CSMD1: variants seen among roughly 807,000 people sequenced by gnomAD.
CSMD1 encodes CUB and Sushi multiple domains 1.
CSMD1 carries 213 observed loss-of-function variants against 417.5 expected under a neutral mutation model. The ratio of observed to expected loss-of-function variants is 0.51; its 90% CI spans 0.46 to 0.57. The LOEUF is 0.57. Ranked by LOEUF, CSMD1 falls within the 20% of genes least tolerant of loss-of-function variation. The probability of loss-of-function intolerance (pLI) is 0.00; values close to 1 mark genes in which losing one functional copy is unlikely to be tolerated. For synonymous variants in CSMD1, 2,862 were observed against 1,736.8 expected, an observed-to-expected ratio of 1.65 and a Z score of -16.11; for missense variants, 6,923 against 4,529.7, an observed-to-expected ratio of 1.53 and a Z score of -15.17.
intron 3 of CSMD1, among the ~76,000 whole-genome samples, chr8:4,339,406 C>G (rs1800351054): frequency 6.6e-6 from 1 of 152,036 alleles, no homozygotes; most frequent in Non-Finnish European, 1.5e-5. Flanking sequence ...TAATCTCAGT[C>G]CAGGCTCTCT....
rs150688681 is a variant in CSMD1 at position 3,961,437 on chromosome 8, G to C, written c.818+36466C>G. 5.8e-4 allele frequency among the ~76,000 whole-genome samples: 88 copies of C among 152,242 alleles called. 2 individuals are homozygous for C. In the East Asian group the frequency reaches 0.01, roughly 17 times the overall value. On this transcript the variant is annotated intron_variant, in intron 5 of 69. Coordinates refer to ENST00000635120, the MANE Select transcript of CSMD1 (RefSeq NM_033225.6). ...CCAAGTGCCAAATATTCCCACAGGT[G>C]ATCTTTGACACAGATTTAAATTAAA...
chr8:4,309,916 A>G (rs1433838228), intron 3 of CSMD1, among the ~76,000 whole-genome samples: 1 of 152,186 alleles, frequency 6.6e-6, no homozygotes, highest in Non-Finnish European at 1.5e-5. Context: ...ATGTGATTTA[A>G]GAAGCTCATT....
intron 26 of CSMD1, among the ~76,000 whole-genome samples, chr8:3,251,858 C>G (rs531287093): frequency 6.6e-6 from 1 of 152,250 alleles, no homozygotes; most frequent in South Asian, 2.1e-4. Flanking sequence ...TGATTTGGCT[C>G]TTTCTTTGTC....
intron 2 of CSMD1, among the ~76,000 whole-genome samples, chr8:4,591,263 G>C (rs7832831): frequency 2.6e-5 from 4 of 152,254 alleles, no homozygotes; most frequent in Non-Finnish European, 5.9e-5. Context: ...CCAGGAGGAA[G>C]AGCCAAATGT....
At chr8:4,211,246 G>C (rs540335090) in intron 3 of CSMD1, among the ~76,000 whole-genome samples, 13 of 151,926 alleles carry the variant, frequency 8.6e-5, no homozygotes, top group African/African-American at 3.1e-4. Context: ...CTCAGATAGG[G>C]GGAAAAGAAA....
At chr8:3,420,712 T>C (rs1400229446) in intron 12 of CSMD1, among the ~76,000 whole-genome samples, 2 of 152,204 alleles carry the variant, frequency 1.3e-5, no homozygotes, top group Non-Finnish European at 2.9e-5. Context: ...TTAATACCTT[T>C]GTCACGCTTG....
chr8:4,249,242 C>G (rs547100263), intron 3 of CSMD1, among the ~76,000 whole-genome samples: 1 of 152,126 alleles, frequency 6.6e-6, no homozygotes, highest in Non-Finnish European at 1.5e-5. Flanking sequence ...TAGAAAAGGG[C>G]AAACATTTCT....
At chr8:4,188,008 C>T (rs942436586) in intron 3 of CSMD1, among the ~76,000 whole-genome samples, 2 of 151,934 alleles carry the variant, frequency 1.3e-5, no homozygotes, top group Non-Finnish European at 2.9e-5. Context: ...AAGCCAATAC[C>T]TTTTTTTAAA....
chr8:4,832,020 C>T (rs1309937670), intron 1 of CSMD1, among the ~76,000 whole-genome samples: 2 of 152,222 alleles, frequency 1.3e-5, no homozygotes, highest in Non-Finnish European at 2.9e-5. Context: ...AAAGGAGCTT[C>T]CTCCAAGCAA....
chr8:4,623,336 A>T (rs916857812), intron 2 of CSMD1, among the ~76,000 whole-genome samples: 1 of 152,180 alleles, frequency 6.6e-6, no homozygotes, highest in Non-Finnish European at 1.5e-5. Context: ...GGCTGAGTAC[A>T]CTAAATATAG....
rs1023828661 is a variant in CSMD1 at position 4,045,591 on chromosome 8, C to G, written c.416-13492G>C. On this transcript the variant is annotated intron_variant, in intron 3 of 69. Coordinates refer to ENST00000635120, the MANE Select transcript of CSMD1 (RefSeq NM_033225.6). Reference sequence around the variant, plus strand: ...GTGCAATGCTTTAGAATGAAAGAAACTCAAGAATGTTCCTGCTATTAGCTG... The same window carrying G: ...GTGCAATGCTTTAGAATGAAAGAAAGTCAAGAATGTTCCTGCTATTAGCTG... 1.3e-5 allele frequency among the ~76,000 whole-genome samples: 2 copies of G among 152,142 alleles called. 1 individual carries two copies. Among genetic ancestry groups the G allele is most frequent in the Non-Finnish European group, 2.9e-5 (2 of 68,030 alleles).
chr8:3,704,130 T>C (rs535977391), intron 7 of CSMD1, among the ~76,000 whole-genome samples: 25 of 152,080 alleles, frequency 1.6e-4, no homozygotes, highest in Non-Finnish European at 2.9e-4. Context: ...CAGTCCTCCA[T>C]CACTGTGGCA....
chr8:3,421,568 C>T (rs759001062), intron 12 of CSMD1, among the ~76,000 whole-genome samples: 6 of 152,092 alleles, frequency 3.9e-5, no homozygotes, highest in Non-Finnish European at 8.8e-5. Context: ...TAATATTTAG[C>T]CTGTTTGATT....
chr8:3,120,333 G>C (rs1817124905), intron 41 of CSMD1, among the ~76,000 whole-genome samples: 1 of 152,062 alleles, frequency 6.6e-6, no homozygotes, highest in Non-Finnish European at 1.5e-5. Flanking sequence ...TCAACATAAA[G>C]ATAATGTGAG....
intron 23 of CSMD1, among the ~76,000 whole-genome samples, chr8:3,320,666 G>C (rs536618092): frequency 1.3e-5 from 2 of 152,180 alleles, no homozygotes; most frequent in African/African-American, 2.4e-5. Flanking sequence ...ACGCAAGAGC[G>C]CAGTTCCTCC....
At chr8:4,322,503 G>A (rs927224659) in intron 3 of CSMD1, among the ~76,000 whole-genome samples, 1 of 152,214 alleles carries the variant, frequency 6.6e-6, no homozygotes, top group Admixed American at 6.5e-5. Context: ...TGCAGTTGTG[G>A]GTTCAGGGAA....
chr8:3,583,513 G>A (rs1466147067), intron 9 of CSMD1, among the ~76,000 whole-genome samples: 1 of 152,064 alleles, frequency 6.6e-6, no homozygotes, highest in Non-Finnish European at 1.5e-5. Context: ...AGGAAGCAGG[G>A]TGTTCAGCGA....
chr8:4,052,817 G>T (rs909279192), intron 3 of CSMD1, among the ~76,000 whole-genome samples: 1 of 152,142 alleles, frequency 6.6e-6, no homozygotes, highest in Non-Finnish European at 1.5e-5. Context: ...TAACTGTGCA[G>T]ATTTGGGGCA....
At chr8:3,133,902 C>T (rs1039008249) in intron 41 of CSMD1, among the ~76,000 whole-genome samples, 3 of 152,192 alleles carry the variant, frequency 2.0e-5, no homozygotes, top group South Asian at 2.1e-4. Flanking sequence ...AGGCCGGGCG[C>T]GGTGGCTCAC....
Sources: allele counts gnomAD v4.1 joint callset (sites outside exome capture counted in the v4.1 genomes callset), GRCh38; gene constraint gnomAD v4.1.1; transcripts MANE v1.5; gene names NCBI Gene and HGNC (gene_info 2026-07-23, HGNC 2026-07-21).